The following TTC39C variants were observed in gnomAD, a reference collection of about 807,000 sequenced individuals.
The protein encoded by TTC39C is tetratricopeptide repeat protein 39C.
A neutral mutation model predicts 76.3 loss-of-function variants in TTC39C; 33 were observed. The ratio of observed to expected loss-of-function variants is 0.43; its 90% CI spans 0.33 to 0.58. TTC39C has a LOEUF of 0.58. Among genes scored for constraint, TTC39C ranks in the 20% least tolerant of loss-of-function variants. The pLI, the probability that TTC39C is intolerant of heterozygous loss-of-function variation, is 0.04. For synonymous variants in TTC39C, 254 were observed against 260.6 expected (o/e 0.97, Z 0.24); for missense variants, 595 against 701.4 (o/e 0.85, Z 1.71).
intron 1 of TTC39C, among the ~76,000 whole-genome samples, chr18:24,044,983 T>G (rs2083845853): frequency 6.6e-6 from 1 of 151,780 alleles, no homozygotes; most frequent in Admixed American, 6.6e-5. Context: ...ATGTAGAGTC[T>G]CCGGGCCAGG....
chr18:24,017,086 A>C (rs894108737), intron 1 of TTC39C, among the ~76,000 whole-genome samples: 6 of 152,038 alleles, frequency 3.9e-5, no homozygotes, highest in African/African-American at 1.4e-4. Context: ...CTGAGACCTT[A>C]TTTTCCAGCA....
chr18:24,096,254 A>C (rs2145782598), intron 6 of TTC39C, among the ~76,000 whole-genome samples: 1 of 152,210 alleles, frequency 6.6e-6, no homozygotes, highest in East Asian at 1.9e-4. Context: ...AAAGAAAAAA[A>C]GTGGTATCTG....
chr18:23,994,610 C>T (rs1422126679), intron 1 of TTC39C: 1 of 152,224 alleles, frequency 6.6e-6, no homozygotes, highest in African/African-American at 2.4e-5. Flanking sequence ...TAGGTATTAC[C>T]AGTTGGCCCC....
chr18:24,035,159 G>T (rs2083717253), intron 1 of TTC39C, among the ~76,000 whole-genome samples: 1 of 152,020 alleles, frequency 6.6e-6, no homozygotes. Flanking sequence ...TCCTGCCTCA[G>T]CCTCCCAAGT....
intron 1 of TTC39C, among the ~76,000 whole-genome samples, chr18:24,006,679 T>G (rs2083355598): frequency 6.6e-6 from 1 of 151,912 alleles, no homozygotes; most frequent in South Asian, 2.1e-4. Flanking sequence ...ACTCTAAAGG[T>G]GTAAAGAATG....
chr18:24,132,562 G>T lies in TTC39C; in HGVS notation c.1740G>T (p.Leu580Phe), dbSNP rs2085144857. The change falls in exon 14 of 14, where the codon TTG (leucine) becomes TTT (phenylalanine). Residue 580 changes from leucine to phenylalanine, a missense_variant. Leu to Phe is a conservative substitution (Grantham distance 22, BLOSUM62 0). Transcript: ENST00000317571. The stretch of plus-strand genomic sequence containing the variant: ...CTGCTCTGGCCTCTCTGAGGGAATT[G>T]GTTCCTCAGTGACAGACCCGGAACA... The part of the protein sequence containing the change: ...IHAALASLRE[L>F]VPQ The T allele has an allele frequency of 6.2e-7, 1 of 1,613,550 alleles. No individual in the cohort carries two copies. The highest frequency in any genetic ancestry group is 8.5e-7 in the Non-Finnish European group (1 of 1,179,714).
At chr18:24,011,237 G>A (rs757318195), upstream of TTC39C, among the ~76,000 whole-genome samples, 4 of 152,140 alleles carry the variant, frequency 2.6e-5, no homozygotes, top group Non-Finnish European at 4.4e-5. Context: ...GACCCTGACT[G>A]GCATAATCCA....
intron 6 of TTC39C, among the ~76,000 whole-genome samples, chr18:24,111,720 C>A (rs1225045404): frequency 1.3e-5 from 2 of 151,654 alleles, no homozygotes; most frequent in African/African-American, 4.8e-5. Context: ...TGTAGTGAGA[C>A]CCCTGTCTAC....
chr18:24,008,968 A>G (rs1417005419), intron 1 of TTC39C, among the ~76,000 whole-genome samples: 1 of 152,188 alleles, frequency 6.6e-6, no homozygotes, highest in Non-Finnish European at 1.5e-5. Context: ...CAAACACCAC[A>G]TGTTCTCACT....
intron 1 of TTC39C, among the ~76,000 whole-genome samples, chr18:24,063,663 G>A (rs760427134): frequency 1.8e-4 from 28 of 151,860 alleles, no homozygotes; most frequent in Non-Finnish European, 7.4e-5. Flanking sequence ...ACAGACACCC[G>A]CCACCACTTG....
At chr18:24,058,230 GA>G (rs2084041748) in intron 1 of TTC39C, among the ~76,000 whole-genome samples, 1 of 152,182 alleles carries the variant, frequency 6.6e-6, no homozygotes, top group South Asian at 2.1e-4. Context: ...TTACCTGGGT[GA>G]TGAAATCATT....
chr18:24,114,153 G>C (rs2084858192), intron 6 of TTC39C: 2 of 257,018 alleles, frequency 7.8e-6, no homozygotes, highest in South Asian at 9.4e-5. Context: ...CAAGGGGCTA[G>C]ATTAGCAAAC....
chr18:24,023,461 T>G (rs1411822573), intron 1 of TTC39C, among the ~76,000 whole-genome samples: 1 of 152,150 alleles, frequency 6.6e-6, no homozygotes, highest in Non-Finnish European at 1.5e-5. Context: ...AGGTCACAGG[T>G]GTCAGCTGCA....
At chr18:24,069,439 G>A (rs1599294681) in intron 4 of TTC39C, among the ~76,000 whole-genome samples, 168 bp downstream of exon 4, 1 of 152,178 alleles carries the variant, frequency 6.6e-6, no homozygotes, top group South Asian at 2.1e-4. Context: ...TGTTTAATGT[G>A]TGTTTAGTGG....
At chr18:23,997,226 A>G (rs1370219932) in intron 1 of TTC39C, among the ~76,000 whole-genome samples, 1 of 151,962 alleles carries the variant, frequency 6.6e-6, no homozygotes, top group Non-Finnish European at 1.5e-5. Flanking sequence ...AGACCAGCCC[A>G]GGCAACACAG....
chr18:24,104,678 A>G (rs1312285900), intron 6 of TTC39C, among the ~76,000 whole-genome samples: 2 of 127,180 alleles, frequency 1.6e-5, no homozygotes, highest in East Asian at 5.3e-4. Flanking sequence ...GCGCTTAGGG[A>G]GCAGGGTGTT....
intron 1 of TTC39C, among the ~76,000 whole-genome samples, chr18:24,044,052 T>TTGTGTGTGTGTGTGTGTGTGTG (rs56233680): frequency 2.0e-5 from 3 of 147,848 alleles, no homozygotes; most frequent in African/African-American, 7.5e-5. Context: ...TTGTGTATGT[T>TTGTGTGTGTGTGTGTGTGTGTG]TGTGTGTGTG....
rs200309640 is a variant in TTC39C at position 24,019,928 on chromosome 18, T to C, written c.167+4890T>C. 656 of 1,519,698 alleles carry C rather than the reference T, an allele frequency of 4.3e-4. 2 individuals carry two copies. The African/African-American group carries it at 7.2e-3, about 17-fold the overall frequency. The allele number at this position is 1,519,698 out of a possible 1,614,324, so 94.1% of individuals were successfully genotyped here. A position where few individuals can be genotyped will look rare whatever the true frequency, so the allele number is the denominator to read the frequency against. On this transcript the variant is annotated intron_variant, in intron 1 of 13. Coordinates refer to ENST00000317571, the MANE Select transcript of TTC39C (RefSeq NM_001135993.2). ...GAAACTCAAAGGCGCTTGTAAGAGATGTTGAGTCAGCAGGCCTCTGAGCCT... is the reference window on the plus strand; with the variant it reads ...GAAACTCAAAGGCGCTTGTAAGAGACGTTGAGTCAGCAGGCCTCTGAGCCT...
chr18:24,099,416 A>G (rs1476454348), intron 6 of TTC39C: 3 of 151,886 alleles, frequency 2.0e-5, no homozygotes, highest in Non-Finnish European at 4.4e-5. Flanking sequence ...ATTACCTCAC[A>G]AAACTCCCAC....
Sources: allele counts gnomAD v4.1 joint callset (sites outside exome capture counted in the v4.1 genomes callset), GRCh38; gene constraint gnomAD v4.1.1; transcripts MANE v1.5; gene names NCBI Gene and HGNC (gene_info 2026-07-23, HGNC 2026-07-21).